Variants in SMAD6 observed in about 807,000 individuals in gnomAD.
The protein encoded by SMAD6 is MAD homolog 6.
A neutral mutation model predicts 39.4 loss-of-function variants in SMAD6; 103 were observed. The observed-to-expected ratio is 2.62, with a 90% CI of 2.23 to 3.08. The LOEUF (loss-of-function observed/expected upper bound fraction) is 3.08, where lower values mean the gene tolerates loss of function less well. Ranked by LOEUF, SMAD6 falls within the 30% of genes most tolerant of loss-of-function variation. The pLI, the probability that SMAD6 is intolerant of heterozygous loss-of-function variation, is 0.00. For missense variants in SMAD6, 1,104 were observed against 742.9 expected (o/e 1.49, Z -5.65); for synonymous variants, 445 against 353.3 (o/e 1.26, Z -2.91).
At chr15:66,734,087 G>A (rs1043063492) in intron 3 of SMAD6, among the ~76,000 whole-genome samples, 3 of 152,224 alleles carry the variant, frequency 2.0e-5, no homozygotes, top group Non-Finnish European at 2.9e-5. Context: ...CTCCACAGCC[G>A]GGAGGGAGGG....
intron 3 of SMAD6, among the ~76,000 whole-genome samples, chr15:66,766,610 A>C (rs1451971132): frequency 1.3e-5 from 2 of 152,176 alleles, no homozygotes; most frequent in Non-Finnish European, 2.9e-5. Context: ...CAGGGTCCCT[A>C]TTAGTGAATC....
At chr15:66,777,324 G>T (rs1171854037) in intron 3 of SMAD6, among the ~76,000 whole-genome samples, 3 of 152,118 alleles carry the variant, frequency 2.0e-5, no homozygotes, top group Non-Finnish European at 4.4e-5. Context: ...GATTCCCCGT[G>T]GGGTGTGGGG....
intron 3 of SMAD6, among the ~76,000 whole-genome samples, chr15:66,749,453 C>T (rs1893962249): frequency 6.6e-6 from 1 of 152,064 alleles, no homozygotes; most frequent in South Asian, 2.1e-4. Context: ...AGCAAAACTC[C>T]ATCTCAAAAG....
chr15:66,777,844 G>T (rs1470233333), intron 3 of SMAD6, among the ~76,000 whole-genome samples: 1 of 152,236 alleles, frequency 6.6e-6, no homozygotes, highest in Non-Finnish European at 1.5e-5. Flanking sequence ...CAGGGGATGG[G>T]GCCTGGCTCA....
chr15:66,770,181 A>C (rs139186997), intron 3 of SMAD6, among the ~76,000 whole-genome samples: 2 of 151,496 alleles, frequency 1.3e-5, no homozygotes, highest in African/African-American at 4.9e-5. Flanking sequence ...GCATCCCTGC[A>C]CCTCTGATGC....
chr15:66,710,573 C>T (rs1215481021), intron 1 of SMAD6, among the ~76,000 whole-genome samples: 1 of 151,948 alleles, frequency 6.6e-6, no homozygotes, highest in Non-Finnish European at 1.5e-5. Context: ...TGTGTCATTA[C>T]TGATACCCGC....
In SMAD6 at chr15:66,704,074, C is replaced by T. The variant is rs748073570; in HGVS notation, c.816C>T (p.Pro272=). 3 of 1,480,130 alleles carry T rather than the reference C, an allele frequency of 2.0e-6. No individual in the cohort carries two copies. The highest frequency in any genetic ancestry group is 2.7e-6 in the Non-Finnish European group (3 of 1,123,260). 91.7% of individuals were successfully genotyped at this position (1,480,130 alleles called of 1,614,324 possible). The change falls in exon 1 of 4, where the codon CCC becomes CCT. Residue 272 remains proline, a splice_region_variant and synonymous_variant. Coordinates refer to ENST00000288840, the MANE Select transcript of SMAD6 (RefSeq NM_005585.5). The part of the protein sequence containing the change: ...NPYHFSRLCG[P]ESPPPPYSRL... ...ACCACTTCAGCCGGCTCTGCGGGCC[C>T]GGTGAGCGCGCTGCGCCGGCCGGGG...
chr15:66,767,845 A>G (rs1894314188), intron 3 of SMAD6, among the ~76,000 whole-genome samples: 2 of 151,732 alleles, frequency 1.3e-5, no homozygotes, highest in African/African-American at 2.4e-5. Context: ...GGTGTGGATC[A>G]TGTATTTTTG....
chr15:66,740,812 T>C (rs1893800210), intron 3 of SMAD6: 1 of 152,208 alleles, frequency 6.6e-6, no homozygotes, highest in Non-Finnish European at 1.5e-5. Flanking sequence ...TGATCTTTGC[T>C]TGCTTTTCTT....
At position 66,781,989 on chromosome 15, in the gene SMAD6, G is replaced by GT. The variant is rs1251713921; in HGVS notation, c.*462dup. The GT allele has an allele frequency of 7.5e-6, 3 of 398,516 alleles. No individual in the cohort carries two copies. Among genetic ancestry groups the GT allele is most frequent in the Non-Finnish European group, 1.3e-5 (3 of 225,970 alleles). 24.7% of individuals were successfully genotyped at this position (398,516 alleles called of 1,614,324 possible). ...TCGATAATAAAGTATTCGCATTATAGTTTTTTTTAAACTGTCTTCTTTTTA... is the reference window on the plus strand; with the variant it reads ...TCGATAATAAAGTATTCGCATTATAGTTTTTTTTTAAACTGTCTTCTTTTTA... On this transcript the variant is annotated 3_prime_UTR_variant, in exon 4 of 4. Coordinates refer to ENST00000288840, the MANE Select transcript of SMAD6 (RefSeq NM_005585.5).
chr15:66,781,468 G>T lies in SMAD6; in HGVS notation c.1424G>T (p.Cys475Phe). ...AGCTTCGCCAAGGGCTGGGGGCCCT[G>T]CTACTCCCGGCAGTTCATCACCTCC... ...RISFAKGWGPCYSRQFITSCP... is the reference protein window; with the variant it reads ...RISFAKGWGPFYSRQFITSCP... The change falls in exon 4 of 4, where the codon TGC (cysteine) becomes TTC (phenylalanine). Residue 475 changes from cysteine to phenylalanine, a missense_variant. Physicochemically the swap from Cys to Phe is radical, Grantham distance 205 (BLOSUM62 -2). Coordinates refer to ENST00000288840, the MANE Select transcript of SMAD6 (RefSeq NM_005585.5). 1 of 1,601,488 alleles carries T rather than the reference G, an allele frequency of 6.2e-7. No individual in the cohort carries two copies.
chr15:66,752,278 C>T (rs1421785875), intron 3 of SMAD6, among the ~76,000 whole-genome samples: 2 of 152,120 alleles, frequency 1.3e-5, no homozygotes, highest in Non-Finnish European at 2.9e-5. Context: ...TTCTGACAGA[C>T]CACAGATACA....
chr15:66,750,073 G>A (rs896329956), intron 3 of SMAD6, among the ~76,000 whole-genome samples: 37 of 152,144 alleles, frequency 2.4e-4, no homozygotes, highest in Non-Finnish European at 4.3e-4. Context: ...GCCCTGTATC[G>A]ATTGCCAGCT....
chr15:66,705,629 T>C (rs1288712734), intron 1 of SMAD6: 1 of 152,200 alleles, frequency 6.6e-6, no homozygotes, highest in Admixed American at 6.5e-5. Context: ...TGTATTCTCT[T>C]TCGCCACTTC....
In SMAD6 at chr15:66,781,479, C is replaced by T; in HGVS notation, c.1435C>T (p.Gln479Ter). Residue 479 changes from glutamine (Q) to a stop codon, truncating the protein, a stop_gained, in exon 4 of 4, where the codon CAG becomes TAG. Coordinates refer to ENST00000288840, the MANE Select transcript of SMAD6 (RefSeq NM_005585.5). LOFTEE classifies it high-confidence loss of function. ...GGGCTGGGGGCCCTGCTACTCCCGG[C>T]AGTTCATCACCTCCTGCCCCTGCTG... The part of the protein sequence containing the change: ...AKGWGPCYSR[Q>*]FITSCPCWLE... 2 of 1,598,580 alleles carry T rather than the reference C, an allele frequency of 1.3e-6. No homozygotes were observed. The highest frequency in any genetic ancestry group is 1.7e-6 in the Non-Finnish European group (2 of 1,174,756).
chr15:66,747,589 G>A lies in SMAD6; in HGVS notation c.952+31091G>A, dbSNP rs1050749973. On this transcript the variant is annotated intron_variant, in intron 3 of 3. Coordinates refer to ENST00000288840, the MANE Select transcript of SMAD6 (RefSeq NM_005585.5). The surrounding 1 kb of genome is among the most constrained non-coding windows in gnomAD (Gnocchi z 4.5). ...CTACTGGCATTGCTGCTTCTCACCT[G>A]AAGCTAATTCCCAGGTAGTTTTTAA... Among the ~76,000 whole-genome samples, 1 of 152,258 alleles carries A rather than the reference G, an allele frequency of 6.6e-6. No homozygotes were observed. Among genetic ancestry groups the A allele is most frequent in the African/African-American group, 2.4e-5 (1 of 41,470 alleles).
At chr15:66,780,003 C>T (rs1944883827) in intron 3 of SMAD6, among the ~76,000 whole-genome samples, 1 of 152,222 alleles carries the variant, frequency 6.6e-6, no homozygotes, top group African/African-American at 2.4e-5. Flanking sequence ...TAAACTCCTC[C>T]AGACACACAG....
At chr15:66,709,615 C>A (rs758725553) in intron 1 of SMAD6, among the ~76,000 whole-genome samples, 1 of 152,204 alleles carries the variant, frequency 6.6e-6, no homozygotes, top group African/African-American at 2.4e-5. Context: ...AGACCTCAGC[C>A]AGTCAGATTT....
rs1028247825 is a variant in SMAD6, at chr15:66,734,831, T to TA, written c.952+18337dup. Among the ~76,000 whole-genome samples the TA allele has an allele frequency of 1.5e-3, 222 of 152,340 alleles. 1 individual carries two copies. The highest frequency in any genetic ancestry group is 5.1e-3 in the African/African-American group (212 of 41,578). ...CTTAATGCCACTGAACTATGCACAT[T>TA]AAAACTATGTATGTTAAGTTGGTAA... On this transcript the variant is annotated intron_variant, in intron 3 of 3. Transcript: ENST00000288840.
Sources: gnomAD v4.1 joint callset for allele counts (sites outside exome capture counted in the v4.1 genomes callset) on GRCh38, gnomAD v4.1.1 for gene constraint, Gnocchi (gnomAD v3.1) non-coding constraint, MANE v1.5 for transcripts, NCBI Gene and HGNC (gene_info 2026-07-23, HGNC 2026-07-21) for gene names.